Variants in NCBP1 observed in about 807,000 individuals in gnomAD.
NCBP1 encodes the protein nuclear cap binding protein subunit 1, also known as nuclear cap-binding protein subunit 1.
In NCBP1, 16 loss-of-function variants were observed where a neutral mutation model predicts 111.7. That is an observed-to-expected ratio of 0.14 (90% CI 0.10 to 0.22). The LOEUF (loss-of-function observed/expected upper bound fraction) is 0.22, where lower values mean the gene tolerates loss of function less well. Among genes scored for constraint, NCBP1 ranks in the 10% least tolerant of loss-of-function variants. The probability of loss-of-function intolerance (pLI) is 1.00; values close to 1 mark genes in which losing one functional copy is unlikely to be tolerated. For missense variants in NCBP1, 607 were observed against 957.5 expected, an observed-to-expected ratio of 0.63 and a Z score of 4.83; for synonymous variants, 304 against 314.3, an observed-to-expected ratio of 0.97 and a Z score of 0.35.
chr9:97,668,941 T>C lies in NCBP1; in HGVS notation c.2112T>C (p.Ser704=), dbSNP rs1349144071. 1 of 1,612,848 alleles carries C rather than the reference T, an allele frequency of 6.2e-7. No homozygotes were observed. Among genetic ancestry groups the C allele is most frequent in the African/African-American group, 1.3e-5 (1 of 74,952 alleles). Residue 704 remains serine (S), a synonymous_variant, in exon 21 of 23, where the codon AGT becomes AGC. Transcript: ENST00000375147. ...AGGAAAAAGTGGAATCTGCTCAGAG[T>C]GAACAAAAGAATCTTTTCCTCGTTA... is the stretch of plus-strand genomic sequence containing the variant. The part of the protein sequence containing the change: ...RLQEKVESAQ[S]EQKNLFLVIF...
At chr9:97,639,332 C>T (rs1037429853) in intron 1 of NCBP1, among the ~76,000 whole-genome samples, 1 of 152,102 alleles carries the variant, frequency 6.6e-6, no homozygotes, top group African/African-American at 2.4e-5. Context: ...TCGTTTTATT[C>T]AGCTTCAGTT....
intron 20 of NCBP1, 53 bp downstream of exon 20, chr9:97,666,930 G>A: frequency 7.8e-7 from 1 of 1,276,196 alleles, no homozygotes; most frequent in Non-Finnish European, 1.1e-6. Context: ...CAGAAACTCT[G>A]GAGAGGATTC....
chr9:97,660,863 A>G, intron 15 of NCBP1, 83 bp from the exon 16 acceptor site: 2 of 1,465,788 alleles, frequency 1.4e-6, no homozygotes, highest in Non-Finnish European at 1.8e-6. Flanking sequence ...TTTAAAAAAA[A>G]TTTTTCTCAG....
rs1827932397 is a variant in NCBP1, at chr9:97,664,397, G to A, written c.1855G>A (p.Val619Ile). The A allele has an allele frequency of 5.0e-6, 8 of 1,612,636 alleles. No homozygotes were observed. The highest frequency in any genetic ancestry group is 1.3e-5 in the African/African-American group (1 of 75,024). Residue 619 changes from valine to isoleucine, a missense_variant, in exon 19 of 23, where the codon GTA becomes ATA. Physicochemically the swap from Val to Ile is conservative, Grantham distance 29 (BLOSUM62 3). This residue lies in a region of NCBP1 where 282 missense variants were observed against 376.5 expected (regional missense o/e 0.75). Transcript: ENST00000375147. ...IRTQIVDCAA[V>I]ANWIFSSELS... Reference sequence around the variant, plus strand: ...TACACAAATAGTTGATTGTGCTGCCGTAGCAAATTGGATCTTCTCTTCAGA... The same window carrying A: ...TACACAAATAGTTGATTGTGCTGCCATAGCAAATTGGATCTTCTCTTCAGA...
intron 2 of NCBP1, 125 bp from the exon 3 acceptor site, chr9:97,641,434 AGAT>A (rs1564018061): frequency 1.5e-6 from 1 of 668,786 alleles, no homozygotes; most frequent in Admixed American, 4.3e-5. Flanking sequence ...TTGAAAGGAC[AGAT>A]GATTGGTAAT....
At chr9:97,663,556 C>T (rs1282412573) in intron 18 of NCBP1, among the ~76,000 whole-genome samples, 1 of 151,980 alleles carries the variant, frequency 6.6e-6, no homozygotes, top group African/African-American at 2.4e-5. Context: ...GCAATCTTGG[C>T]TCACTGCAAC....
chr9:97,643,212 T>C lies in NCBP1; in HGVS notation c.233T>C (p.Leu78Pro). The change falls in exon 4 of 23, where the codon CTA (leucine) becomes CCA (proline). Residue 78 changes from leucine to proline, a missense_variant. Leu to Pro is a moderately conservative substitution (Grantham distance 98). Transcript: ENST00000375147. Reference sequence around the variant, plus strand: ...CTGGGTTCTTAAATCAGTGCACGCCTATTACCTGAGAAGCTGACAATTTAT... The same window carrying C: ...CTGGGTTCTTAAATCAGTGCACGCCCATTACCTGAGAAGCTGACAATTTAT... ...ILRLLCTVAR[L>P]LPEKLTIYTT... The C allele has an allele frequency of 6.2e-7, 1 of 1,607,224 alleles. No homozygotes were observed. The highest frequency in any genetic ancestry group is 8.5e-7 in the Non-Finnish European group (1 of 1,178,216).
chr9:97,668,793 T>G, intron 20 of NCBP1, 53 bp from the exon 21 acceptor site: 3 of 1,583,720 alleles, frequency 1.9e-6, no homozygotes, highest in East Asian at 2.3e-5. Context: ...GGAGGAGATT[T>G]AACACACTGG....
At chr9:97,670,711 G>T (rs117847929) in intron 22 of NCBP1, among the ~76,000 whole-genome samples, 2,133 of 152,262 alleles carry the variant, frequency 0.014, 102 homozygotes, top group East Asian at 0.13. Context: ...CTTCCTGTCA[G>T]TCCGTCTGGC....
At chr9:97,670,035 G>A in intron 22 of NCBP1, 1 of 372,298 alleles carries the variant, frequency 2.7e-6, no homozygotes, top group East Asian at 6.6e-5. Flanking sequence ...CAATTCTTCT[G>A]CCTCAGCCTC....
At position 97,671,179 on chromosome 9, in the gene NCBP1, T is replaced by C. The variant is rs1314891821; in HGVS notation, c.2353T>C (p.Phe785Leu). The C allele has an allele frequency of 1.9e-6, 3 of 1,611,166 alleles. No homozygotes were observed. Among genetic ancestry groups the C allele is most frequent in the Non-Finnish European group, 2.5e-6 (3 of 1,177,430 alleles). The change falls in exon 23 of 23, where the codon TTC (phenylalanine) becomes CTC (leucine). Residue 785 changes from phenylalanine (F) to leucine (L), a missense_variant. Physicochemically the swap from Phe to Leu is conservative, Grantham distance 22 (BLOSUM62 0). Around this residue, in one of 9 missense-constraint regions of NCBP1, gnomAD observed 18 missense variants for 18.7 expected, o/e 0.96. Transcript: ENST00000375147. ...DPHILAVFQQ[F>L]CALQA ...TCATATCTTGGCCGTGTTCCAGCAG[T>C]TCTGTGCCCTGCAGGCCTAAGGGTC...
chr9:97,647,636 A>G, intron 7 of NCBP1, 75 bp downstream of exon 7: 2 of 1,245,810 alleles, frequency 1.6e-6, no homozygotes, highest in South Asian at 2.5e-5. Flanking sequence ...TAAGATACTC[A>G]GACCATTCCA....
At chr9:97,666,528 C>G (rs1564029818) in intron 19 of NCBP1, among the ~76,000 whole-genome samples, 3 of 152,286 alleles carry the variant, frequency 2.0e-5, no homozygotes, top group Admixed American at 1.3e-4. Context: ...AGAAAAATGA[C>G]TACACAGTGC....
intron 3 of NCBP1, among the ~76,000 whole-genome samples, chr9:97,642,637 CAG>C (rs1257607594): frequency 6.6e-6 from 1 of 152,032 alleles, no homozygotes; most frequent in Non-Finnish European, 1.5e-5. Flanking sequence ...TTAACTATAT[CAG>C]AGTATGTTTT....
chr9:97,671,235 T>A lies in NCBP1; in HGVS notation c.*36T>A. ...TTCCTCATGTCAAGGTTTTTTTTGATATCTTAAAATAATTTGTCTTATTTT... is the reference window on the plus strand; with the variant it reads ...TTCCTCATGTCAAGGTTTTTTTTGAAATCTTAAAATAATTTGTCTTATTTT... On this transcript the variant is annotated 3_prime_UTR_variant, in exon 23 of 23. Transcript: ENST00000375147. The A allele has an allele frequency of 7.2e-7, 1 of 1,394,050 alleles. No individual in the cohort carries two copies. Among genetic ancestry groups the A allele is most frequent in the Non-Finnish European group, 1.0e-6 (1 of 997,138 alleles). The allele number at this position is 1,394,050 out of a possible 1,614,324, so 86.4% of individuals were successfully genotyped here.
chr9:97,656,783 C>T (rs1292127461), intron 14 of NCBP1, among the ~76,000 whole-genome samples: 1 of 152,110 alleles, frequency 6.6e-6, no homozygotes, highest in African/African-American at 2.4e-5. Context: ...GGCCCATTAT[C>T]CTTTAATGTT....
rs1380893083 is a variant in NCBP1, at chr9:97,654,790, A to T, written c.1171-90A>T. ...ATGTTCAGCATTATTAATCATTATA[A>T]AGACTTGAAATGTTTTATTTCTATT... On this transcript the variant is annotated intron_variant, in intron 11 of 22. Transcript: ENST00000375147. The T allele has an allele frequency of 3.5e-6, 4 of 1,140,854 alleles. No individual in the cohort carries two copies. The African/African-American group carries it at 4.7e-5, about 13-fold the overall frequency. 70.7% of individuals were successfully genotyped at this position (1,140,854 alleles called of 1,614,324 possible).
Position 97,633,844 on chromosome 9 carries a change from G to T in NCBP1, c.-38G>T, listed in dbSNP as rs982222107. On this transcript the variant is annotated 5_prime_UTR_variant, in exon 1 of 23. Transcript: ENST00000375147. ...CCAGACAGTTCCTGCAGCGCTTACC[G>T]CCTGGCCTCTCGGTTCCGCGGCGCA... 5.7e-6 allele frequency: 9 copies of T among 1,566,092 alleles called. No homozygotes were observed. The African/African-American group carries it at 6.8e-5, about 12-fold the overall frequency.
chr9:97,638,005 G>T (rs1214625173), intron 1 of NCBP1, among the ~76,000 whole-genome samples: 2 of 152,080 alleles, frequency 1.3e-5, no homozygotes, highest in Non-Finnish European at 2.9e-5. Flanking sequence ...CTTTTACATA[G>T]TTAAATTTTA....
Sources: allele counts gnomAD v4.1 joint callset (sites outside exome capture counted in the v4.1 genomes callset), GRCh38; gene constraint gnomAD v4.1.1; regional missense constraint gnomAD v4.1.1; transcripts MANE v1.5; gene names NCBI Gene and HGNC (gene_info 2026-07-23, HGNC 2026-07-21).